The following TMEM154 variants were observed in gnomAD, a reference collection of about 807,000 sequenced individuals.
The protein encoded by TMEM154 is transmembrane protein 154.
TMEM154 carries 27 observed loss-of-function variants against 24.5 expected under a neutral mutation model. The observed-to-expected ratio is 1.10, with a 90% confidence interval of 0.81 to 1.52. The LOEUF (loss-of-function observed/expected upper bound fraction) is 1.52. TMEM154 is among the 40% of genes most tolerant of loss of function. TMEM154 has a pLI of 0.00. For missense variants in TMEM154, 228 were observed against 213.4 expected (o/e 1.07, Z -0.43); for synonymous variants, 67 against 76.8 (o/e 0.87, Z 0.67).
At chr4:152,675,928 T>C (rs1728945030) in intron 1 of TMEM154, among the ~76,000 whole-genome samples, 1 of 152,194 alleles carries the variant, frequency 6.6e-6, no homozygotes, top group South Asian at 2.1e-4. Flanking sequence ...AGAAGGACTT[T>C]AAAGCTCATC....
At chr4:152,630,309 CAAAAAAA>C (rs56827457) in intron 6 of TMEM154, among the ~76,000 whole-genome samples, 7 of 91,344 alleles carry the variant, frequency 7.7e-5, no homozygotes, top group Non-Finnish European at 1.4e-4. Flanking sequence ...CACCCTGTCT[CAAAAAAA>C]AAAAAAAAAA....
chr4:152,660,732 C>T (rs1040709038), intron 1 of TMEM154, among the ~76,000 whole-genome samples: 2 of 152,178 alleles, frequency 1.3e-5, no homozygotes, highest in African/African-American at 4.8e-5. Flanking sequence ...TGAGAGGGAA[C>T]CTCCTGCTCC....
At position 152,628,309 on chromosome 4, in the gene TMEM154, A is replaced by G; in HGVS notation, c.*237T>C. ...ATCACCCGCCTCCTTCTCCACCCTC[A>G]GAGGCAGCGATGGATGGCAGCCAGG... On this transcript the variant is annotated 3_prime_UTR_variant, in exon 7 of 7. Transcript: ENST00000304385. The G allele has an allele frequency of 1.5e-6, 1 of 662,664 alleles. No homozygotes were observed. Among genetic ancestry groups the G allele is most frequent in the Non-Finnish European group, 2.6e-6 (1 of 391,280 alleles). The allele number at this position is 662,664 out of a possible 1,614,324, so 41.0% of individuals were successfully genotyped here. A position where few individuals can be genotyped will look rare whatever the true frequency, so the allele number is the denominator to read the frequency against.
chr4:152,640,717 A>G (rs1752238279), intron 6 of TMEM154, among the ~76,000 whole-genome samples: 1 of 152,194 alleles, frequency 6.6e-6, no homozygotes, highest in Non-Finnish European at 1.5e-5. Context: ...ATTTATTTCT[A>G]AAGATAAAGA....
chr4:152,648,345 A>G (rs1728307317), intron 3 of TMEM154, among the ~76,000 whole-genome samples: 1 of 151,978 alleles, frequency 6.6e-6, no homozygotes, highest in African/African-American at 2.4e-5. Flanking sequence ...AATGTCAAAA[A>G]CTACTCAGGC....
chr4:152,630,633 CTT>C (rs920244673), intron 6 of TMEM154, among the ~76,000 whole-genome samples: 13 of 152,194 alleles, frequency 8.5e-5, no homozygotes, highest in Admixed American at 7.9e-4. Flanking sequence ...GCAAAGCCCT[CTT>C]TTGTCCACAA....
At chr4:152,635,183 T>C (rs976026486) in intron 6 of TMEM154, among the ~76,000 whole-genome samples, 2 of 152,242 alleles carry the variant, frequency 1.3e-5, no homozygotes, top group Non-Finnish European at 2.9e-5. Flanking sequence ...GTGTTGTCAA[T>C]GACTGTGCTG....
chr4:152,634,866 T>C (rs367732340), intron 6 of TMEM154, among the ~76,000 whole-genome samples: 8 of 152,218 alleles, frequency 5.3e-5, no homozygotes, highest in African/African-American at 1.9e-4. Context: ...GGAGCAAAAT[T>C]GATATGTATT....
At chr4:152,645,476 A>G (rs1200168701) in intron 3 of TMEM154, among the ~76,000 whole-genome samples, 1 of 152,232 alleles carries the variant, frequency 6.6e-6, no homozygotes, top group Non-Finnish European at 1.5e-5. Flanking sequence ...TCCCAGCTGA[A>G]GCCCTGTTTC....
At chr4:152,641,174 T>C (rs1331383940) in intron 5 of TMEM154, 189 bp from the exon 6 acceptor site, 2 of 536,952 alleles carry the variant, frequency 3.7e-6, no homozygotes, top group Non-Finnish European at 6.5e-6. Flanking sequence ...AAAGCACTAA[T>C]AACACAGATG....
chr4:152,644,652 A>G (rs1160939369), intron 3 of TMEM154, among the ~76,000 whole-genome samples: 1 of 152,188 alleles, frequency 6.6e-6, no homozygotes, highest in Non-Finnish European at 1.5e-5. Context: ...TTTCTTTTAG[A>G]TGTGGATGGT....
intron 6 of TMEM154, among the ~76,000 whole-genome samples, chr4:152,634,192 G>C (rs570557485): frequency 3.9e-5 from 6 of 152,176 alleles, no homozygotes; most frequent in Non-Finnish European, 8.8e-5. Flanking sequence ...AGTTAAATAA[G>C]GACTGATGCA....
At position 152,628,599 on chromosome 4, in the gene TMEM154, A is replaced by C. The variant is rs1414906673; in HGVS notation, c.537-38T>G. The C allele has an allele frequency of 3.6e-6, 4 of 1,123,574 alleles. 1 individual carries two copies. In the South Asian group the frequency reaches 4.4e-5, roughly 12 times the overall value. The allele number at this position is 1,123,574 out of a possible 1,614,324, so 69.6% of individuals were successfully genotyped here. A position where few individuals can be genotyped will look rare whatever the true frequency, so the allele number is the denominator to read the frequency against. ...AAAAAAAAAAAAAAAAAAACAAAAA[A>C]AACACACACACACACACAAAACAGT... On this transcript the variant is annotated intron_variant, in intron 6 of 6. Transcript: ENST00000304385.
intron 1 of TMEM154, 107 bp downstream of exon 1, chr4:152,679,763 A>G (rs1042957371): frequency 2.1e-5 from 31 of 1,468,742 alleles, no homozygotes; most frequent in Middle Eastern, 1.7e-4. Flanking sequence ...CACAGAAAGG[A>G]TTAGATTTTC....
intron 6 of TMEM154, among the ~76,000 whole-genome samples, chr4:152,632,996 A>G (rs1173258079): frequency 6.6e-6 from 1 of 152,006 alleles, no homozygotes; most frequent in African/African-American, 2.4e-5. Context: ...AGTAATCCTT[A>G]TTTTGCAGGT....
rs531179875 is a variant in TMEM154, at chr4:152,628,593, CAA to C, written c.537-34_537-33del. On this transcript the variant is annotated intron_variant, in intron 6 of 6. Transcript: ENST00000304385. ...AAAAAAAAAAAAAAAAAAAAAAAAA[CAA>C]AAAAAACACACACACACACACAAAA... 5.3e-5 allele frequency: 24 copies of C among 450,392 alleles called. 2 individuals carry two copies. Among genetic ancestry groups the C allele is most frequent in the East Asian group, 2.1e-4 (2 of 9,622 alleles). The allele number at this position is 450,392 out of a possible 1,614,324, so 27.9% of individuals were successfully genotyped here.
chr4:152,654,653 A>G (rs1728455699), intron 1 of TMEM154, among the ~76,000 whole-genome samples: 1 of 152,204 alleles, frequency 6.6e-6, no homozygotes, highest in African/African-American at 2.4e-5. Flanking sequence ...CTATGAGAAG[A>G]TAAGAAAACC....
At chr4:152,672,018 G>C (rs945669751) in intron 1 of TMEM154, among the ~76,000 whole-genome samples, 2 of 150,934 alleles carry the variant, frequency 1.3e-5, no homozygotes, top group South Asian at 4.2e-4. Context: ...ACTTTGGGAG[G>C]TCTAAGTGGG....
rs1164998775 is a variant in TMEM154 at position 152,652,161 on chromosome 4, T to C, written c.364+377A>G. ...AGTAGTATTGAAAACATTTGAAATA[T>C]TGTGAGAATTATCAAAATGTAATGC... is the stretch of plus-strand genomic sequence containing the variant. On this transcript the variant is annotated intron_variant, in intron 3 of 6. Coordinates refer to ENST00000304385, the MANE Select transcript of TMEM154 (RefSeq NM_152680.3). 2.0e-5 allele frequency among the ~76,000 whole-genome samples: 3 copies of C among 152,180 alleles called. No individual in the cohort carries two copies. The East Asian group carries it at 5.8e-4, about 29-fold the overall frequency.
Sources: allele counts gnomAD v4.1 joint callset (sites outside exome capture counted in the v4.1 genomes callset), GRCh38; gene constraint gnomAD v4.1.1; transcripts MANE v1.5; gene names NCBI Gene and HGNC (gene_info 2026-07-23, HGNC 2026-07-21).